Variants in KPNA2 observed in about 807,000 individuals in gnomAD.
KPNA2 encodes importin subunit alpha-1.
Under a neutral mutation model 53.7 loss-of-function variants are expected in KPNA2, and 20 were observed. The ratio of observed to expected loss-of-function variants is 0.37; its 90% CI spans 0.26 to 0.54. KPNA2 has a LOEUF of 0.54. Among genes scored for constraint, KPNA2 ranks in the 20% least tolerant of loss-of-function variants. The pLI is 0.83. For missense variants in KPNA2, 515 were observed against 640.3 expected (o/e 0.80, Z 2.11); for synonymous variants, 238 against 227.5 (o/e 1.05, Z -0.42).
Position 68,044,906 on chromosome 17 carries a change from C to G in KPNA2, c.1347+403C>G, listed in dbSNP as rs1435816414. On this transcript the variant is annotated intron_variant, in intron 9 of 10. Transcript: ENST00000330459. ...GGTCAAGAGTTCGAGACCAGCCTGG[C>G]CAACATGGCGAAACCCTGTCTCTGC... is the stretch of plus-strand genomic sequence containing the variant. Among the ~76,000 whole-genome samples, 4 of 152,184 alleles carry G rather than the reference C, an allele frequency of 2.6e-5. No homozygotes were observed. The East Asian group carries it at 7.7e-4, about 29-fold the overall frequency.
rs572225670 is a variant in KPNA2 at position 68,041,722 on chromosome 17, C to CA, written c.303-356dup. On this transcript the variant is annotated intron_variant, in intron 4 of 10. Transcript: ENST00000330459. ...GCCTGAGTGGAGTGAGATCCTATTT[C>CA]AAAAAAACAAAATGTGCTTAACCAC... Among the ~76,000 whole-genome samples the CA allele has an allele frequency of 1.1e-4, 16 of 151,990 alleles. No homozygotes were observed. The East Asian group carries it at 2.3e-3, about 22-fold the overall frequency.
chr17:68,043,530 C>T (rs2071289213), intron 7 of KPNA2, among the ~76,000 whole-genome samples, 167 bp downstream of exon 7: 1 of 152,012 alleles, frequency 6.6e-6, no homozygotes, highest in Non-Finnish European at 1.5e-5. Flanking sequence ...ATTGTGAAAG[C>T]CCATCTCTAC....
Position 68,040,780 on chromosome 17 carries a change from G to A in KPNA2, c.302+14G>A, listed in dbSNP as rs782782887. The A allele has an allele frequency of 6.6e-7, 1 of 1,519,670 alleles. No individual in the cohort carries two copies. The highest frequency in any genetic ancestry group is 9.0e-7 in the Non-Finnish European group (1 of 1,109,544). 94.1% of individuals were successfully genotyped at this position (1,519,670 alleles called of 1,614,324 possible). A position where few individuals can be genotyped will look rare whatever the true frequency, so the allele number is the denominator to read the frequency against. ...TCAAGCTGCCAGGTAAGTCTTGTCT[G>A]CGATAGCATGGGTAGCCTAAGAAAT... On this transcript the variant is annotated intron_variant, in intron 4 of 10. Coordinates refer to ENST00000330459, the MANE Select transcript of KPNA2 (RefSeq NM_002266.4).
At chr17:68,044,231 A>T (rs547670845) in intron 8 of KPNA2, 90 bp from the exon 9 acceptor site, 1 of 1,370,394 alleles carries the variant, frequency 7.3e-7, no homozygotes, top group Non-Finnish European at 1.0e-6. Context: ...GAACCTTGGT[A>T]CTTTCAGTCA....
rs781903512 is a variant in KPNA2 at position 68,044,329 on chromosome 17, T to G, written c.1173T>G (p.Phe391Leu). The G allele has an allele frequency of 6.2e-7, 1 of 1,611,222 alleles. No individual in the cohort carries two copies. The highest frequency in any genetic ancestry group is 8.5e-7 in the Non-Finnish European group (1 of 1,179,012). Reference sequence around the variant, plus strand: ...TTCCTTATGTTTAATAGGCAGATTTTAAGACACAAAAGGAAGCTGTGTGGG... The same window carrying G: ...TTCCTTATGTTTAATAGGCAGATTTGAAGACACAAAAGGAAGCTGTGTGGG... ...FLVSVLSKAD[F>L]KTQKEAVWAV... The change falls in exon 9 of 11, where the codon TTT (phenylalanine) becomes TTG (leucine). Residue 391 changes from phenylalanine to leucine, a missense_variant. Transcript: ENST00000330459.
At position 68,040,770 on chromosome 17, in the gene KPNA2, A is replaced by C. The variant is rs1555704466; in HGVS notation, c.302+4A>C. Reference sequence around the variant, plus strand: ...TCCAAGCTACTCAAGCTGCCAGGTAAGTCTTGTCTGCGATAGCATGGGTAG... The same window carrying C: ...TCCAAGCTACTCAAGCTGCCAGGTACGTCTTGTCTGCGATAGCATGGGTAG... On this transcript the variant is annotated splice_donor_region_variant and intron_variant, in intron 4 of 10. Coordinates refer to ENST00000330459, the MANE Select transcript of KPNA2 (RefSeq NM_002266.4). 3 of 1,572,086 alleles carry C rather than the reference A, an allele frequency of 1.9e-6. No homozygotes were observed. The highest frequency in any genetic ancestry group is 2.6e-6 in the Non-Finnish European group (3 of 1,149,704).
chr17:68,044,878 T>A (rs1276441902), intron 9 of KPNA2, among the ~76,000 whole-genome samples: 4 of 152,140 alleles, frequency 2.6e-5, no homozygotes, highest in Non-Finnish European at 4.4e-5. Flanking sequence ...GTGGATCACC[T>A]GAGGTCAAGA....
At chr17:68,045,017 C>T (rs2071311579) in intron 9 of KPNA2, among the ~76,000 whole-genome samples, 2 of 151,626 alleles carry the variant, frequency 1.3e-5, no homozygotes, top group South Asian at 4.2e-4. Context: ...ATCGCTTGAA[C>T]CCGGGAAGCG....
chr17:68,038,180 T>G (rs2071213359), intron 3 of KPNA2, among the ~76,000 whole-genome samples: 1 of 152,180 alleles, frequency 6.6e-6, no homozygotes, highest in South Asian at 2.1e-4. Context: ...TTTCAACATG[T>G]TAGCCAGGAT....
At chr17:68,042,635 C>A (rs577799357) in intron 5 of KPNA2, among the ~76,000 whole-genome samples, 70 of 152,260 alleles carry the variant, frequency 4.6e-4, no homozygotes, top group African/African-American at 1.4e-3. Context: ...GTAATCCCAG[C>A]ACTTTGGGAG....
intron 9 of KPNA2, 109 bp from the exon 10 acceptor site, chr17:68,045,663 T>C: frequency 3.8e-6 from 3 of 785,786 alleles, no homozygotes; most frequent in Non-Finnish European, 5.9e-6. Flanking sequence ...GAAGGAATTG[T>C]TAGGTGCTTA....
In KPNA2 at chr17:68,042,943, G is replaced by A. The variant is rs1192008366; in HGVS notation, c.610G>A (p.Gly204Ser). ...GTTCCGAGACTTGGTTATTAAGTAC[G>A]GTGCAGTTGACCCACTGTTGGCTCT... ...SVFRDLVIKY[G>S]AVDPLLALLA... is the part of the protein sequence containing the mutation. The change falls in exon 6 of 11, where the codon GGT becomes AGT. Residue 204 changes from glycine to serine, a missense_variant. Transcript: ENST00000330459. The A allele has an allele frequency of 2.5e-6, 4 of 1,613,240 alleles. No individual in the cohort carries two copies. Among genetic ancestry groups the A allele is most frequent in the Non-Finnish European group, 3.4e-6 (4 of 1,179,788 alleles).
chr17:68,041,153 G>A (rs1020175086), intron 4 of KPNA2, among the ~76,000 whole-genome samples: 5 of 152,240 alleles, frequency 3.3e-5, no homozygotes, highest in Non-Finnish European at 5.9e-5. Context: ...TAGGAGATAA[G>A]TATAATTTGA....
At chr17:68,043,737 T>C in intron 7 of KPNA2, 101 bp from the exon 8 acceptor site, 2 of 745,768 alleles carry the variant, frequency 2.7e-6, no homozygotes, top group Non-Finnish European at 4.7e-6. Context: ...ATATTGCCTA[T>C]TTCAGGCCAT....
At chr17:68,044,561 A>C in intron 9 of KPNA2, 58 bp downstream of exon 9, 1 of 1,440,984 alleles carries the variant, frequency 6.9e-7, no homozygotes, top group Non-Finnish European at 9.6e-7. Context: ...TCAGTTTACT[A>C]TTTAGACTTG....
At position 68,042,902 on chromosome 17, in the gene KPNA2, C is replaced by A; in HGVS notation, c.572-3C>A. Reference sequence around the variant, plus strand: ...AAAAAATTAATCTTGCCTTTTTTTTCAGGTGATGGCTCAGTGTTCCGAGAC... The same window carrying A: ...AAAAAATTAATCTTGCCTTTTTTTTAAGGTGATGGCTCAGTGTTCCGAGAC... On this transcript the variant is annotated splice_polypyrimidine_tract_variant and splice_region_variant and intron_variant, in intron 5 of 10. Coordinates refer to ENST00000330459, the MANE Select transcript of KPNA2 (RefSeq NM_002266.4). The A allele has an allele frequency of 1.3e-6, 2 of 1,555,112 alleles. No homozygotes were observed. The highest frequency in any genetic ancestry group is 1.7e-6 in the Non-Finnish European group (2 of 1,149,028).
chr17:68,044,940 C>G (rs2071310766), intron 9 of KPNA2, among the ~76,000 whole-genome samples: 2 of 152,026 alleles, frequency 1.3e-5, no homozygotes, highest in South Asian at 4.1e-4. Context: ...GCTAAAAATG[C>G]AAGAATTAGC....
intron 7 of KPNA2, 92 bp from the exon 8 acceptor site, chr17:68,043,746 A>G: frequency 1.3e-6 from 1 of 783,924 alleles, no homozygotes; most frequent in Non-Finnish European, 2.2e-6. Context: ...ATTTCAGGCC[A>G]TGATGGGCCT....
At chr17:68,045,680 C>T (rs1319802096) in intron 9 of KPNA2, 92 bp from the exon 10 acceptor site, 1 of 937,032 alleles carries the variant, frequency 1.1e-6, no homozygotes, top group Admixed American at 2.5e-5. Context: ...CTTATTTCTG[C>T]CTGACGTATC....
Sources: gnomAD v4.1 joint callset for allele counts (sites outside exome capture counted in the v4.1 genomes callset) on GRCh38, gnomAD v4.1.1 for gene constraint, MANE v1.5 for transcripts, NCBI Gene and HGNC (gene_info 2026-07-23, HGNC 2026-07-21) for gene names.